WASHC5: variants seen among roughly 807,000 people sequenced by gnomAD.
WASHC5 encodes WASH complex subunit strumpellin.
WASHC5 carries 101 observed loss-of-function variants against 150.4 expected under a neutral mutation model. The observed-to-expected ratio is 0.67, with a 90% confidence interval of 0.57 to 0.79. The LOEUF (loss-of-function observed/expected upper bound fraction) is 0.79. Among genes scored for constraint, WASHC5 ranks in the 30% least tolerant of loss-of-function variants. The pLI, the probability that WASHC5 is intolerant of heterozygous loss-of-function variation, is 0.00. For missense variants in WASHC5, 1,195 were observed against 1,396.3 expected, an observed-to-expected ratio of 0.86 and a Z score of 2.30; for synonymous variants, 467 against 491.2, an observed-to-expected ratio of 0.95 and a Z score of 0.65.
At chr8:125,035,887 C>T (rs1815688905) in intron 26 of WASHC5, among the ~76,000 whole-genome samples, 1 of 152,196 alleles carries the variant, frequency 6.6e-6, no homozygotes, top group African/African-American at 2.4e-5. Flanking sequence ...TGTAGAAATG[C>T]TCTTATAATG....
intron 19 of WASHC5, 70 bp from the exon 20 acceptor site, chr8:125,047,401 A>T: frequency 1.4e-6 from 2 of 1,480,554 alleles, no homozygotes; most frequent in Non-Finnish European, 1.9e-6. Context: ...TTTCCATATA[A>T]TTTTACAAAG....
intron 25 of WASHC5, 35 bp downstream of exon 25, chr8:125,038,795 C>A: frequency 6.2e-7 from 1 of 1,611,974 alleles, no homozygotes. Context: ...CATTCTGTAC[C>A]CCCATCCCCG....
rs554092091 is a variant in WASHC5 at position 125,061,403 on chromosome 8, G to A, written c.1409-209C>T. 8.5e-5 allele frequency among the ~76,000 whole-genome samples: 13 copies of A among 152,292 alleles called. No homozygotes were observed. The East Asian group carries it at 1.7e-3, about 20-fold the overall frequency. On this transcript the variant is annotated intron_variant, in intron 11 of 28. Transcript: ENST00000318410. ...ATAAATAGCTTAGTCTACAGCACTT[G>A]GCAGACAAATACTAAAGGCTCAAGT...
rs1198647443 is a variant in WASHC5 at position 125,048,998 on chromosome 8, T to A, written c.2379+8A>T. On this transcript the variant is annotated splice_region_variant and intron_variant, in intron 19 of 28. Coordinates refer to ENST00000318410, the MANE Select transcript of WASHC5 (RefSeq NM_014846.4). ...ATATAGTCAAGAATTTTAAAATTTA[T>A]TAGATACCTTCGTTCTTAGAAAGTT... The A allele has an allele frequency of 1.2e-6, 2 of 1,600,944 alleles. No individual in the cohort carries two copies. Among genetic ancestry groups the A allele is most frequent in the Non-Finnish European group, 1.7e-6 (2 of 1,171,470 alleles).
intron 9 of WASHC5, 95 bp downstream of exon 9, chr8:125,073,058 T>C: frequency 1.5e-6 from 2 of 1,334,318 alleles, no homozygotes; most frequent in East Asian, 4.6e-5. Flanking sequence ...CCAAGGCCTC[T>C]CTCCCTGCTA....
At chr8:125,026,509 A>G (rs1034207745) in intron 28 of WASHC5, among the ~76,000 whole-genome samples, 20 of 152,274 alleles carry the variant, frequency 1.3e-4, no homozygotes, top group African/African-American at 4.6e-4. Flanking sequence ...GAGCTGATAC[A>G]TATTTGCCTA....
At chr8:125,079,052 C>A in intron 5 of WASHC5, 122 bp from the exon 6 acceptor site, 2 of 706,916 alleles carry the variant, frequency 2.8e-6, no homozygotes, top group Non-Finnish European at 4.8e-6. Context: ...GATCACAGGT[C>A]CATCTATATC....
chr8:125,072,352 T>A (rs374898111), intron 9 of WASHC5, among the ~76,000 whole-genome samples: 2 of 16,836 alleles, frequency 1.2e-4, no homozygotes, highest in African/African-American at 2.0e-4. Context: ...AAAAAAAAAG[T>A]GGGGGGGGGG....
intron 18 of WASHC5, among the ~76,000 whole-genome samples, 177 bp downstream of exon 18, chr8:125,050,387 T>C (rs564680352): frequency 6.6e-6 from 1 of 152,306 alleles, no homozygotes; most frequent in Non-Finnish European, 1.5e-5. Flanking sequence ...TATAAATTTA[T>C]AATATGAATG....
intron 27 of WASHC5, 81 bp from the exon 28 acceptor site, chr8:125,028,788 T>G: frequency 1.1e-6 from 1 of 900,698 alleles, no homozygotes; most frequent in Non-Finnish European, 1.9e-6. Flanking sequence ...AAGACTAAAT[T>G]ACCAACAGAT....
At chr8:125,036,921 G>C (rs952101172) in intron 26 of WASHC5, among the ~76,000 whole-genome samples, 5 of 152,140 alleles carry the variant, frequency 3.3e-5, no homozygotes, top group African/African-American at 1.2e-4. Context: ...GCTGAGGCAG[G>C]AGAATCGCTT....
chr8:125,061,000 T>C, intron 12 of WASHC5, 82 bp downstream of exon 12: 1 of 759,634 alleles, frequency 1.3e-6, no homozygotes, highest in East Asian at 2.6e-5. Context: ...CTCTCAGCTA[T>C]ATTTACAGGA....
At chr8:125,063,319 A>G (rs1451807762) in intron 11 of WASHC5, among the ~76,000 whole-genome samples, 1 of 152,216 alleles carries the variant, frequency 6.6e-6, no homozygotes, top group African/African-American at 2.4e-5. Flanking sequence ...GAACTCTAAA[A>G]TGAATATGAA....
chr8:125,044,423 C>T (rs1815994295), intron 21 of WASHC5, 113 bp downstream of exon 21: 1 of 1,164,210 alleles, frequency 8.6e-7, no homozygotes, highest in African/African-American at 1.5e-5. Flanking sequence ...TGCCTAAAGT[C>T]AGTGTAAGAA....
At chr8:125,082,745 C>A in intron 3 of WASHC5, 1 of 407,658 alleles carries the variant, frequency 2.5e-6, no homozygotes, top group Non-Finnish European at 4.4e-6. Context: ...AATATCTAGT[C>A]TAAAAGTTAA....
chr8:125,037,233 G>T lies in WASHC5; in HGVS notation c.3181+4C>A, dbSNP rs372154199. On this transcript the variant is annotated splice_donor_region_variant and intron_variant, in intron 26 of 28. Transcript: ENST00000318410. ...TCATTGCAAATAATAAATGTTATAC[G>T]TACCCAGATTTTTGTTGTATTGAAG... 2 of 1,536,544 alleles carry T rather than the reference G, an allele frequency of 1.3e-6. No individual in the cohort carries two copies. Among genetic ancestry groups the T allele is most frequent in the Non-Finnish European group, 1.8e-6 (2 of 1,109,750 alleles).
intron 6 of WASHC5, among the ~76,000 whole-genome samples, chr8:125,078,176 GC>G (rs1817119589): frequency 6.6e-6 from 1 of 152,152 alleles, no homozygotes; most frequent in Non-Finnish European, 1.5e-5. Flanking sequence ...ACACATACTG[GC>G]AAGGGGAGTG....
chr8:125,054,373 C>T (rs1462086688), intron 17 of WASHC5, among the ~76,000 whole-genome samples: 1 of 152,204 alleles, frequency 6.6e-6, no homozygotes, highest in Non-Finnish European at 1.5e-5. Context: ...CAAATAATGC[C>T]ATATGCTAAA....
intron 10 of WASHC5, among the ~76,000 whole-genome samples, chr8:125,066,592 C>A (rs1433213282): frequency 6.6e-6 from 1 of 152,170 alleles, no homozygotes; most frequent in Non-Finnish European, 1.5e-5. Context: ...TGTACAAATG[C>A]AAATCACCCA....
Sources: allele counts gnomAD v4.1 joint callset (sites outside exome capture counted in the v4.1 genomes callset), GRCh38; gene constraint gnomAD v4.1.1; transcripts MANE v1.5; gene names NCBI Gene and HGNC (gene_info 2026-07-23, HGNC 2026-07-21).